NECAB1: variants seen among roughly 807,000 people sequenced by gnomAD.
The protein encoded by NECAB1 is N-terminal EF-hand calcium-binding protein 1.
NECAB1 carries 29 observed loss-of-function variants against 57.5 expected under a neutral mutation model. That is an observed-to-expected ratio of 0.50 (90% CI 0.38 to 0.69). NECAB1 has a LOEUF of 0.69. Among genes scored for constraint, NECAB1 ranks in the 30% least tolerant of loss-of-function variants. The pLI is 0.00. For synonymous variants in NECAB1, 142 were observed against 147.7 expected (o/e 0.96, Z 0.28); for missense variants, 372 against 413.8 (o/e 0.90, Z 0.88).
At position 90,955,475 on chromosome 8, in the gene NECAB1, T is replaced by C. The variant is rs1338534383; in HGVS notation, c.1031-12T>C. 1.3e-6 allele frequency: 2 copies of C among 1,541,416 alleles called. No individual in the cohort carries two copies. The highest frequency in any genetic ancestry group is 2.7e-5 in the African/African-American group (2 of 72,806). On this transcript the variant is annotated splice_polypyrimidine_tract_variant and intron_variant, in intron 12 of 12. Transcript: ENST00000417640. Reference sequence around the variant, plus strand: ...ATTTTCATTATTTTAGAAAACATTTTTCTCTTTTCAGCTTCGTGGTGGATC... The same window carrying C: ...ATTTTCATTATTTTAGAAAACATTTCTCTCTTTTCAGCTTCGTGGTGGATC...
intron 1 of NECAB1, among the ~76,000 whole-genome samples, chr8:90,794,463 T>C (rs1811627891): frequency 6.6e-6 from 1 of 152,240 alleles, no homozygotes; most frequent in African/African-American, 2.4e-5. Flanking sequence ...ATTTCCAAAT[T>C]TGAGGAAAAC....
chr8:90,905,476 G>T (rs1376990099), intron 5 of NECAB1, among the ~76,000 whole-genome samples: 1 of 152,124 alleles, frequency 6.6e-6, no homozygotes, highest in Non-Finnish European at 1.5e-5. Context: ...AATAGCCACA[G>T]GTTCATAGGC....
chr8:90,935,127 T>C (rs1403124306), intron 9 of NECAB1, among the ~76,000 whole-genome samples: 10 of 152,168 alleles, frequency 6.6e-5, no homozygotes, highest in Admixed American at 6.6e-4. Flanking sequence ...ATATACTTTA[T>C]AGATGTCAAA....
At chr8:90,842,844 G>C (rs987488062) in intron 3 of NECAB1, among the ~76,000 whole-genome samples, 2 of 152,168 alleles carry the variant, frequency 1.3e-5, no homozygotes, top group Non-Finnish European at 2.9e-5. Flanking sequence ...TAGTGCTAAT[G>C]GTACGTGATT....
chr8:90,936,226 A>C (rs1810534798), intron 9 of NECAB1, among the ~76,000 whole-genome samples: 1 of 152,180 alleles, frequency 6.6e-6, no homozygotes, highest in Non-Finnish European at 1.5e-5. Context: ...AACCAGTTTT[A>C]GAATTTATTG....
intron 2 of NECAB1, among the ~76,000 whole-genome samples, chr8:90,809,237 C>A (rs1246820038): frequency 6.6e-6 from 1 of 152,200 alleles, no homozygotes; most frequent in Non-Finnish European, 1.5e-5. Context: ...CACCAAGCAA[C>A]CCTTGTTCCA....
chr8:90,949,758 G>C, intron 10 of NECAB1, 49 bp from the exon 11 acceptor site: 1 of 1,087,556 alleles, frequency 9.2e-7, no homozygotes, highest in Non-Finnish European at 1.4e-6. Context: ...AAGTTAGCTT[G>C]CATCTTTAAT....
intron 3 of NECAB1, among the ~76,000 whole-genome samples, chr8:90,853,836 T>C (rs1812736478): frequency 6.6e-6 from 1 of 152,126 alleles, no homozygotes; most frequent in African/African-American, 2.4e-5. Flanking sequence ...AGCCAGGAGA[T>C]GGGAGATAAG....
intron 3 of NECAB1, among the ~76,000 whole-genome samples, chr8:90,846,385 A>G (rs1412141697): frequency 1.3e-5 from 2 of 152,242 alleles, no homozygotes; most frequent in African/African-American, 4.8e-5. Flanking sequence ...ACAGAAAATA[A>G]CATTTATTGC....
chr8:90,931,061 T>C (rs570161797), intron 8 of NECAB1, among the ~76,000 whole-genome samples: 1 of 152,330 alleles, frequency 6.6e-6, no homozygotes, highest in South Asian at 2.1e-4. Context: ...CATTTCTTTT[T>C]TTTCTAGACT....
intron 10 of NECAB1, among the ~76,000 whole-genome samples, chr8:90,941,807 A>G (rs1353951171): frequency 1.3e-5 from 2 of 152,212 alleles, no homozygotes; most frequent in African/African-American, 4.8e-5. Context: ...ACCCAGCTGC[A>G]AGTCTCTGCC....
rs866507129 is a variant in NECAB1, at chr8:90,917,868, A to G, written c.494+240A>G. Reference sequence around the variant, plus strand: ...TATATATATATATATATATATATATATATGTGTGTGTGTGCGTGTATATAT... The same window carrying G: ...TATATATATATATATATATATATATGTATGTGTGTGTGTGCGTGTATATAT... On this transcript the variant is annotated intron_variant, in intron 6 of 12. Coordinates refer to ENST00000417640, the MANE Select transcript of NECAB1 (RefSeq NM_022351.5). Among the ~76,000 whole-genome samples the G allele has an allele frequency of 9.0e-3, 588 of 65,514 alleles. 42 individuals are homozygous for G. Among genetic ancestry groups the G allele is most frequent in the African/African-American group, 0.061 (454 of 7,466 alleles). 43.0% of individuals were successfully genotyped at this position (65,514 alleles called of 152,430 possible). A position where few individuals can be genotyped will look rare whatever the true frequency, so the allele number is the denominator to read the frequency against.
At chr8:90,909,885 A>AT (rs1326216521) in intron 5 of NECAB1, among the ~76,000 whole-genome samples, 5 of 151,892 alleles carry the variant, frequency 3.3e-5, no homozygotes, top group Non-Finnish European at 4.4e-5. Flanking sequence ...TTCTAGTGTT[A>AT]TTTTCCTTTG....
At chr8:90,923,841 A>G (rs1422987712) in intron 6 of NECAB1, among the ~76,000 whole-genome samples, 1 of 152,226 alleles carries the variant, frequency 6.6e-6, no homozygotes, top group East Asian at 1.9e-4. Flanking sequence ...AAATCTCCAC[A>G]AAGAGGTGAA....
intron 10 of NECAB1, among the ~76,000 whole-genome samples, chr8:90,947,601 A>G (rs1252959772): frequency 6.6e-6 from 1 of 152,096 alleles, no homozygotes; most frequent in Non-Finnish European, 1.5e-5. Context: ...GGGTTTCACC[A>G]TGTTGGCCAG....
At chr8:90,955,012 T>C (rs1810999248) in intron 12 of NECAB1, among the ~76,000 whole-genome samples, 1 of 146,220 alleles carries the variant, frequency 6.8e-6, no homozygotes, top group Non-Finnish European at 1.5e-5. Flanking sequence ...CACATATGCA[T>C]ATATGTATAT....
chr8:90,795,726 A>G (rs907126779), intron 1 of NECAB1, among the ~76,000 whole-genome samples: 1 of 151,968 alleles, frequency 6.6e-6, no homozygotes, highest in Non-Finnish European at 1.5e-5. Flanking sequence ...ACACACACAC[A>G]CACACACACA....
intron 6 of NECAB1, among the ~76,000 whole-genome samples, chr8:90,918,693 T>G (rs1400420809): frequency 2.0e-5 from 3 of 152,012 alleles, no homozygotes; most frequent in Admixed American, 6.6e-5. Flanking sequence ...AGAATGAGAG[T>G]CTCTCTAGAG....
chr8:90,837,075 A>G (rs550547110), intron 3 of NECAB1, among the ~76,000 whole-genome samples: 1 of 152,376 alleles, frequency 6.6e-6, no homozygotes, highest in Non-Finnish European at 1.5e-5. Context: ...TTTTTTACAA[A>G]AATTAAACTG....
Sources: gnomAD v4.1 joint callset for allele counts (sites outside exome capture counted in the v4.1 genomes callset) on GRCh38, gnomAD v4.1.1 for gene constraint, MANE v1.5 for transcripts, NCBI Gene and HGNC (gene_info 2026-07-23, HGNC 2026-07-21) for gene names.